The following CNBP variants were observed in gnomAD, a reference collection of about 807,000 sequenced individuals.
The protein encoded by CNBP is CCHC-type zinc finger nucleic acid binding protein, also known as cellular nucleic acid-binding protein.
Under a neutral mutation model 21.2 loss-of-function variants are expected in CNBP, and 6 were observed. The ratio of observed to expected loss-of-function variants is 0.28; its 90% CI spans 0.16 to 0.56. CNBP has a LOEUF of 0.56. CNBP is among the 20% of genes least tolerant of loss of function. The probability of loss-of-function intolerance (pLI) is 0.93; values close to 1 mark genes in which losing one functional copy is unlikely to be tolerated. For missense variants in CNBP, 112 were observed against 233.1 expected (o/e 0.48, Z 3.38); for synonymous variants, 61 against 74.9 (o/e 0.81, Z 0.96).
chr3:129,180,883 T>C, intron 1 of CNBP, among the ~76,000 whole-genome samples: 1 of 152,154 alleles, frequency 6.6e-6, no homozygotes, highest in Admixed American at 6.5e-5. Flanking sequence ...TCACTGCTTT[T>C]AGGCACCAGT....
intron 1 of CNBP, among the ~76,000 whole-genome samples, chr3:129,174,369 A>AAAC (rs1382724124): frequency 3.3e-5 from 5 of 149,902 alleles, no homozygotes; most frequent in Admixed American, 2.7e-4. Context: ...AAAAAAAAAA[A>AAAC]AAAAACGAAT....
At chr3:129,179,331 T>C (rs1576924082) in intron 1 of CNBP, among the ~76,000 whole-genome samples, 1 of 152,278 alleles carries the variant, frequency 6.6e-6, no homozygotes, top group East Asian at 1.9e-4. Context: ...ATACTTTCTG[T>C]ATTACCTGCA....
intron 1 of CNBP, among the ~76,000 whole-genome samples, chr3:129,173,297 A>C (rs1013894157): frequency 1.3e-5 from 2 of 152,210 alleles, no homozygotes; most frequent in African/African-American, 4.8e-5. Flanking sequence ...TGCAAGTACT[A>C]CACTATTTTA....
intron 1 of CNBP, among the ~76,000 whole-genome samples, chr3:129,179,909 G>C (rs562750213): frequency 9.2e-5 from 14 of 152,300 alleles, no homozygotes; most frequent in African/African-American, 3.1e-4. Flanking sequence ...AGGAGGCTGA[G>C]GCAGGAGAAT....
intron 1 of CNBP, among the ~76,000 whole-genome samples, chr3:129,179,328 C>T (rs137879967): frequency 1.4e-3 from 210 of 152,230 alleles, no homozygotes; most frequent in Non-Finnish European, 2.7e-3. Context: ...AATATACTTT[C>T]TGTATTACCT....
chr3:129,170,655 C>G (rs1327331372), intron 4 of CNBP, 85 bp from the exon 5 acceptor site: 9 of 1,030,190 alleles, frequency 8.7e-6, no homozygotes, highest in Non-Finnish European at 1.4e-5. Flanking sequence ...GAACAAAACG[C>G]CTGATCTTTG....
In CNBP at chr3:129,169,067, A is replaced by C. The variant is rs556201842; in HGVS notation, c.*1386T>G. On this transcript the variant is annotated 3_prime_UTR_variant, in exon 5 of 5. Coordinates refer to ENST00000422453, the MANE Select transcript of CNBP (RefSeq NM_003418.5). ...CAGTGAGCCGAGATCGCACCACTAC[A>C]CTCCAGCCTGGGCAACAGAGCGACA... Among the ~76,000 whole-genome samples the C allele has an allele frequency of 2.6e-5, 4 of 150,962 alleles. No homozygotes were observed. In the South Asian group the frequency reaches 8.3e-4, roughly 31 times the overall value.
At chr3:129,174,806 G>A (rs185145826) in intron 1 of CNBP, among the ~76,000 whole-genome samples, 4 of 152,192 alleles carry the variant, frequency 2.6e-5, no homozygotes, top group Admixed American at 2.6e-4. Flanking sequence ...GGAATTATTT[G>A]CACATAAATG....
At chr3:129,181,780 A>T (rs1016157106) in intron 1 of CNBP, among the ~76,000 whole-genome samples, 2 of 152,140 alleles carry the variant, frequency 1.3e-5, no homozygotes, top group Non-Finnish European at 2.9e-5. Context: ...GGTTCCTCAG[A>T]AAAACACAAA....
At chr3:129,182,540 T>C (rs1938371612) in intron 1 of CNBP, among the ~76,000 whole-genome samples, 3 of 152,210 alleles carry the variant, frequency 2.0e-5, no homozygotes, top group Admixed American at 6.5e-5. Context: ...CATTATGCCA[T>C]TCTAAAACAG....
chr3:129,170,344 C>A lies in CNBP; in HGVS notation c.*109G>T. On this transcript the variant is annotated 3_prime_UTR_variant, in exon 5 of 5. Transcript: ENST00000422453. Reference sequence around the variant, plus strand: ...CTCCTTTTACACGGCAAGTAAAGCTCACTGGCCTGGGAGTTGCCTCTATCT... The same window carrying A: ...CTCCTTTTACACGGCAAGTAAAGCTAACTGGCCTGGGAGTTGCCTCTATCT... 1 of 878,422 alleles carries A rather than the reference C, an allele frequency of 1.1e-6. No homozygotes were observed. The highest frequency in any genetic ancestry group is 1.9e-6 in the Non-Finnish European group (1 of 530,648). The allele number at this position is 878,422 out of a possible 1,614,324, so 54.4% of individuals were successfully genotyped here.
intron 1 of CNBP, among the ~76,000 whole-genome samples, chr3:129,183,574 C>G (rs1266779960): frequency 6.6e-6 from 1 of 152,256 alleles, no homozygotes; most frequent in Non-Finnish European, 1.5e-5. Context: ...GAAGAAAGGA[C>G]AGAAGTGTCG....
rs1328867253 is a variant in CNBP, at chr3:129,169,219, G to A, written c.*1234C>T. On this transcript the variant is annotated 3_prime_UTR_variant, in exon 5 of 5. Coordinates refer to ENST00000422453, the MANE Select transcript of CNBP (RefSeq NM_003418.5). ...TGAGGCAGGAGAATTGCTTGAACCC[G>A]GGAGGTGGAGGTTGCAGTGAGCCAA... Among the ~76,000 whole-genome samples the A allele has an allele frequency of 6.6e-6, 1 of 152,064 alleles. No homozygotes were observed. The highest frequency in any genetic ancestry group is 6.5e-5 in the Admixed American group (1 of 15,274).
In CNBP at chr3:129,170,534, G is replaced by A. The variant is rs750042076; in HGVS notation, c.453C>T (p.Ser151=). 16 of 1,614,068 alleles carry A rather than the reference G, an allele frequency of 9.9e-6. No individual in the cohort carries two copies. Among genetic ancestry groups the A allele is most frequent in the Non-Finnish European group, 1.3e-5 (15 of 1,180,038 alleles). ...GETGHVAINC[S]KTSEVNCYRC... The stretch of plus-strand genomic sequence containing the variant: ...GGTAACAGTTGACTTCACTTGTCTT[G>A]CTGCAGTTGATGGCTACATGACCAG... The change falls in exon 5 of 5, where the codon AGC becomes AGT. Residue 151 remains serine, a synonymous_variant. Transcript: ENST00000422453.
intron 1 of CNBP, among the ~76,000 whole-genome samples, chr3:129,181,203 G>A (rs1241221919): frequency 8.2e-6 from 1 of 121,314 alleles, no homozygotes; most frequent in Non-Finnish European, 1.6e-5. Flanking sequence ...CTGTGCCACT[G>A]CATTCCAGCC....
At chr3:129,173,649 A>G (rs899527401) in intron 1 of CNBP, among the ~76,000 whole-genome samples, 8 of 152,254 alleles carry the variant, frequency 5.3e-5, no homozygotes, top group African/African-American at 1.9e-4. Flanking sequence ...AAATAAATTG[A>G]GGCTATTCTT....
chr3:129,172,632 G>GCAGGCAGGCAGGCAGACAGGCAGC lies in CNBP; in HGVS notation c.-14-862_-14-861insGCTGCCTGTCTGCCTGCCTGCCTG, dbSNP rs1560034765. Among the ~76,000 whole-genome samples the GCAGGCAGGCAGGCAGACAGGCAGC allele has an allele frequency of 6.4e-4, 28 of 43,944 alleles. 2 individuals are homozygous for GCAGGCAGGCAGGCAGACAGGCAGC. Among genetic ancestry groups the GCAGGCAGGCAGGCAGACAGGCAGC allele is most frequent in the African/African-American group, 1.9e-3 (28 of 14,614 alleles). The allele number at this position is 43,944 out of a possible 152,430, so 28.8% of individuals were successfully genotyped here. A position where few individuals can be genotyped will look rare whatever the true frequency, so the allele number is the denominator to read the frequency against. ...GACAGGCAGACAGGCAGCCAGGCAG[G>GCAGGCAGGCAGGCAGACAGGCAGC]CAGGCAGGCAGGCAGGCAGGCAGGC... On this transcript the variant is annotated intron_variant, in intron 1 of 4. Transcript: ENST00000422453.
chr3:129,171,517 G>A lies in CNBP; in HGVS notation c.146C>T (p.Ser49Phe). ...SDRGFQFVSS[S>F]LPDICYRCGE... ...ACAGCGATAACAAATGTCTGGAAGA[G>A]ACGAGGAAACAAACTGGAAACCTGT... The change falls in exon 3 of 5, where the codon TCT becomes TTT. Residue 49 changes from serine (S) to phenylalanine (F), a missense_variant. Transcript: ENST00000422453. 6.2e-7 allele frequency: 1 copy of A among 1,614,080 alleles called. No individual in the cohort carries two copies. The highest frequency in any genetic ancestry group is 8.5e-7 in the Non-Finnish European group (1 of 1,179,922).
At chr3:129,181,966 C>T (rs888957083) in intron 1 of CNBP, among the ~76,000 whole-genome samples, 9 of 151,888 alleles carry the variant, frequency 5.9e-5, no homozygotes, top group African/African-American at 1.7e-4. Flanking sequence ...AGGATCCTGG[C>T]AGTTTACAGG....
Sources: allele counts gnomAD v4.1 joint callset (sites outside exome capture counted in the v4.1 genomes callset), GRCh38; gene constraint gnomAD v4.1.1; transcripts MANE v1.5; gene names NCBI Gene and HGNC (gene_info 2026-07-23, HGNC 2026-07-21).